The following ADGRB3 variants were observed in gnomAD, a reference collection of about 807,000 sequenced individuals.
ADGRB3 encodes brain-specific angiogenesis inhibitor 3.
A neutral mutation model predicts 193.4 loss-of-function variants in ADGRB3; 37 were observed. The ratio of observed to expected loss-of-function variants is 0.19; its 90% CI spans 0.15 to 0.25. ADGRB3 has a LOEUF of 0.25. ADGRB3 is among the 10% of genes least tolerant of loss of function. The pLI is 1.00. For synonymous variants in ADGRB3, 690 were observed against 644.2 expected, an observed-to-expected ratio of 1.07 and a Z score of -1.08; for missense variants, 1,637 against 1,852.9, an observed-to-expected ratio of 0.88 and a Z score of 2.14.
chr6:69,211,151 T>C (rs533012790), intron 17 of ADGRB3, among the ~76,000 whole-genome samples: 49 of 152,034 alleles, frequency 3.2e-4, no homozygotes, highest in African/African-American at 1.2e-3. Context: ...TAAGCAGAAG[T>C]TGTGTATGTG....
At chr6:69,047,293 A>G (rs531853583) in intron 13 of ADGRB3, among the ~76,000 whole-genome samples, 12 of 152,152 alleles carry the variant, frequency 7.9e-5, no homozygotes, top group Admixed American at 7.2e-4. Context: ...AGTTTTACAA[A>G]TTACACTTCA....
chr6:68,972,867 T>C (rs1413109645), intron 8 of ADGRB3, among the ~76,000 whole-genome samples: 1 of 152,004 alleles, frequency 6.6e-6, no homozygotes, highest in Non-Finnish European at 1.5e-5. Context: ...CTGAAGAAAG[T>C]ATTTCCAAGA....
intron 15 of ADGRB3, among the ~76,000 whole-genome samples, chr6:69,049,822 T>A (rs890416598): frequency 3.9e-4 from 60 of 152,286 alleles, no homozygotes; most frequent in African/African-American, 1.3e-3. Flanking sequence ...TACATTTTTT[T>A]AAAAAATGCT....
intron 20 of ADGRB3, among the ~76,000 whole-genome samples, chr6:69,282,370 G>A (rs949251726): frequency 2.0e-5 from 3 of 151,964 alleles, no homozygotes; most frequent in Non-Finnish European, 4.4e-5. Context: ...CCCAACCTAT[G>A]TATAGCCACC....
rs1468974807 is a variant in ADGRB3 at position 68,862,476 on chromosome 6, A to C, written c.758-68083A>C. ...ACAGCAAGTGGTACAGACTCTTCAC[A>C]AACATACTCTCCTGCAATCTTCATA... On this transcript the variant is annotated intron_variant, in intron 3 of 31. Coordinates refer to ENST00000370598, the MANE Select transcript of ADGRB3 (RefSeq NM_001704.3). Among the ~76,000 whole-genome samples the C allele has an allele frequency of 2.0e-5, 3 of 152,206 alleles. No individual in the cohort carries two copies. The East Asian group carries it at 5.8e-4, about 29-fold the overall frequency.
intron 17 of ADGRB3, among the ~76,000 whole-genome samples, chr6:69,175,492 GTGTA>G (rs1347772489): frequency 2.0e-5 from 3 of 152,128 alleles, no homozygotes; most frequent in African/African-American, 7.2e-5. Flanking sequence ...TGTTCCATTG[GTGTA>G]TGTGTCTGTT....
At chr6:69,262,267 G>C (rs563542870) in intron 20 of ADGRB3, among the ~76,000 whole-genome samples, 2 of 152,076 alleles carry the variant, frequency 1.3e-5, no homozygotes, top group Admixed American at 1.3e-4. Context: ...TCTTCACTTT[G>C]TTTCGTTTTT....
intron 3 of ADGRB3, among the ~76,000 whole-genome samples, chr6:68,674,763 G>C (rs1206068189): frequency 1.3e-5 from 2 of 152,222 alleles, no homozygotes; most frequent in Non-Finnish European, 2.9e-5. Context: ...TTCATTTGAA[G>C]CCAACACAAA....
At chr6:68,710,418 T>C (rs148127341) in intron 3 of ADGRB3, among the ~76,000 whole-genome samples, 2 of 152,284 alleles carry the variant, frequency 1.3e-5, no homozygotes, top group African/African-American at 2.4e-5. Flanking sequence ...AATTTTTTTG[T>C]ATTGACATTG....
chr6:68,677,525 T>C (rs896370244), intron 3 of ADGRB3, among the ~76,000 whole-genome samples: 1 of 145,792 alleles, frequency 6.9e-6, no homozygotes, highest in Non-Finnish European at 1.5e-5. Context: ...TTTTTTCTTT[T>C]TTTTTTTTTT....
intron 20 of ADGRB3, among the ~76,000 whole-genome samples, chr6:69,243,804 T>A (rs1766432322): frequency 6.6e-6 from 1 of 151,960 alleles, no homozygotes; most frequent in African/African-American, 2.4e-5. Flanking sequence ...GACCAACTAG[T>A]CTGGGCATTC....
intron 15 of ADGRB3, among the ~76,000 whole-genome samples, chr6:69,060,449 AG>A (rs929057046): frequency 3.3e-5 from 5 of 152,066 alleles, no homozygotes; most frequent in Admixed American, 2.0e-4. Context: ...CCAAACACAC[AG>A]GGAGCTTCAT....
chr6:69,055,210 C>G (rs938650585), intron 15 of ADGRB3, among the ~76,000 whole-genome samples: 8 of 152,140 alleles, frequency 5.3e-5, no homozygotes, highest in Middle Eastern at 3.2e-3. Context: ...ACAATGTTAA[C>G]TATATGCACT....
At chr6:69,194,226 A>G (rs537928504) in intron 17 of ADGRB3, among the ~76,000 whole-genome samples, 1 of 152,136 alleles carries the variant, frequency 6.6e-6, no homozygotes, top group Non-Finnish European at 1.5e-5. Context: ...AAAGCACTAC[A>G]ATATAGCATC....
intron 3 of ADGRB3, among the ~76,000 whole-genome samples, chr6:68,862,790 C>T (rs1765192845): frequency 6.6e-6 from 1 of 152,078 alleles, no homozygotes; most frequent in Non-Finnish European, 1.5e-5. Flanking sequence ...ATTGTTTTAG[C>T]ATTTATCTTC....
At chr6:68,858,942 G>A (rs539914648) in intron 3 of ADGRB3, among the ~76,000 whole-genome samples, 3 of 152,272 alleles carry the variant, frequency 2.0e-5, no homozygotes, top group African/African-American at 7.2e-5. Flanking sequence ...ATTAGCATTT[G>A]GCTCCTTATT....
intron 3 of ADGRB3, among the ~76,000 whole-genome samples, chr6:68,863,797 G>C (rs482872): frequency 2.6e-5 from 4 of 151,794 alleles, no homozygotes; most frequent in African/African-American, 7.3e-5. Flanking sequence ...CTCAATATCC[G>C]TTACATTAAA....
intron 3 of ADGRB3, among the ~76,000 whole-genome samples, chr6:68,639,861 C>A (rs1768041788): frequency 2.6e-5 from 4 of 152,126 alleles, no homozygotes; most frequent in Admixed American, 2.6e-4. Context: ...TCTCCTATCC[C>A]CACGGAGTCC....
At chr6:69,179,816 G>A (rs1775533126) in intron 17 of ADGRB3, among the ~76,000 whole-genome samples, 1 of 152,176 alleles carries the variant, frequency 6.6e-6, no homozygotes, top group South Asian at 2.1e-4. Flanking sequence ...CAAGCCAGTA[G>A]GTGACACTTA....
Sources: gnomAD v4.1 joint callset for allele counts (sites outside exome capture counted in the v4.1 genomes callset) on GRCh38, gnomAD v4.1.1 for gene constraint, MANE v1.5 for transcripts, NCBI Gene and HGNC (gene_info 2026-07-23, HGNC 2026-07-21) for gene names.